DRC9: variants seen among roughly 807,000 people sequenced by gnomAD.
DRC9 encodes dynein regulatory complex subunit 9.
At chr3:197,939,085 T>A in the DRC9 span, 3 of 286,480 alleles carry the variant, frequency 1.0e-5, no homozygotes, top group Non-Finnish European at 2.0e-5. Context: ...AGTATCTCCA[T>A]CAGGTCGTGG....
the DRC9 span, among the ~76,000 whole-genome samples, chr3:197,935,772 C>T: frequency 2.2e-4 from 34 of 151,940 alleles, no homozygotes; most frequent in African/African-American, 7.5e-4. Context: ...TGTGAGCCAC[C>T]GCCTGCAGCC....
the DRC9 span, chr3:197,953,924 C>T: frequency 1.4e-6 from 2 of 1,465,594 alleles, no homozygotes; most frequent in South Asian, 2.3e-5. Flanking sequence ...GGGTTGAGAG[C>T]CACTCGTGTA....
the DRC9 span, among the ~76,000 whole-genome samples, chr3:197,932,787 C>T: frequency 1.4e-5 from 2 of 143,654 alleles, no homozygotes; most frequent in Non-Finnish European, 3.0e-5. Flanking sequence ...CACAGCAAGA[C>T]CTGGTCTCAA....
chr3:197,942,075 A>G, the DRC9 span, among the ~76,000 whole-genome samples: 1 of 152,230 alleles, frequency 6.6e-6, no homozygotes, highest in African/African-American at 2.4e-5. Context: ...GCAGAATGCC[A>G]GCTCTGGAAG....
At chr3:197,951,941 C>T in the DRC9 span, among the ~76,000 whole-genome samples, 243 of 152,184 alleles carry the variant, frequency 1.6e-3, 6 homozygotes, top group Admixed American at 0.013. Flanking sequence ...TTCTATTTTG[C>T]GTCATTAAGG....
At chr3:197,923,989 G>A in the DRC9 span, among the ~76,000 whole-genome samples, 1 of 151,522 alleles carries the variant, frequency 6.6e-6, no homozygotes, top group East Asian at 1.9e-4. Context: ...TTGCTTGAGC[G>A]CAGGATTGCA....
chr3:197,950,176 G>A, the DRC9 span: 9 of 1,231,762 alleles, frequency 7.3e-6, no homozygotes, highest in Non-Finnish European at 9.1e-6. Context: ...AAGGCCACGC[G>A]GCGGGGCCTC....
chr3:197,893,322 A>C, the DRC9 span, among the ~76,000 whole-genome samples: 1 of 134,134 alleles, frequency 7.5e-6, no homozygotes, highest in South Asian at 2.3e-4. Context: ...GCGCCATTGC[A>C]CTCCAGCCTG....
chr3:197,932,245 A>C, the DRC9 span: 1 of 1,613,484 alleles, frequency 6.2e-7, no homozygotes, highest in Non-Finnish European at 8.5e-7. Flanking sequence ...GACTGTTGTA[A>C]GTGGCCGAAT....
chr3:197,917,971 G>A, the DRC9 span, among the ~76,000 whole-genome samples: 4 of 151,656 alleles, frequency 2.6e-5, no homozygotes, highest in Non-Finnish European at 5.9e-5. Context: ...CTGACCTCAG[G>A]GGATCTGCCC....
the DRC9 span, among the ~76,000 whole-genome samples, chr3:197,945,111 C>T: frequency 6.6e-6 from 1 of 152,096 alleles, no homozygotes; most frequent in Admixed American, 6.6e-5. Flanking sequence ...GCAGGACTAG[C>T]CTATGTAACC....
chr3:197,900,284 C>T, the DRC9 span, among the ~76,000 whole-genome samples: 1 of 152,202 alleles, frequency 6.6e-6, no homozygotes, highest in African/African-American at 2.4e-5. The surrounding 1 kb of genome is among the most constrained non-coding windows in gnomAD (Gnocchi z 4.7). Context: ...GAGACACCAG[C>T]CATGGTGGTT....
At chr3:197,957,280 C>T in the DRC9 span, 8 of 152,184 alleles carry the variant, frequency 5.3e-5, no homozygotes, top group East Asian at 3.9e-4. Context: ...TATACTGACC[C>T]AAGAGAAAGC....
the DRC9 span, among the ~76,000 whole-genome samples, chr3:197,928,071 C>T: frequency 3.3e-5 from 5 of 152,034 alleles, no homozygotes; most frequent in African/African-American, 4.8e-5. Flanking sequence ...CAAACCTGCA[C>T]GTTTTGCACA....
the DRC9 span, among the ~76,000 whole-genome samples, chr3:197,933,626 G>T: frequency 3.3e-5 from 5 of 151,562 alleles, no homozygotes; most frequent in Non-Finnish European, 7.4e-5. Context: ...TAGAGACTTG[G>T]TTTTTTTTAA....
the DRC9 span, chr3:197,954,522 T>A: frequency 3.0e-6 from 1 of 337,012 alleles, no homozygotes; most frequent in East Asian, 8.0e-5. Flanking sequence ...TTTGTTGTGT[T>A]TTTTTGAGAC....
At chr3:197,904,108 ATATT>A in the DRC9 span, among the ~76,000 whole-genome samples, 2,126 of 38,610 alleles carry the variant, frequency 0.055, 44 homozygotes, top group Non-Finnish European at 0.077. Flanking sequence ...ATATATATAT[ATATT>A]TTTTTTTTTA....
the DRC9 span, among the ~76,000 whole-genome samples, chr3:197,890,470 A>T: frequency 1.3e-5 from 2 of 151,960 alleles, no homozygotes; most frequent in African/African-American, 2.4e-5. Context: ...TGTGCATTTC[A>T]TATCTTTAGT....
chr3:197,956,750 C>G, the DRC9 span: 1 of 151,912 alleles, frequency 6.6e-6, no homozygotes, highest in African/African-American at 2.4e-5. Flanking sequence ...CTGCCTCAGC[C>G]TCCTAAATAG....
Sources: gnomAD v4.1 joint callset for allele counts (sites outside exome capture counted in the v4.1 genomes callset) on GRCh38, gnomAD v4.1.1 for gene constraint, Gnocchi (gnomAD v3.1) non-coding constraint, MANE v1.5 for transcripts, NCBI Gene and HGNC (gene_info 2026-07-23, HGNC 2026-07-21) for gene names.